The following GON4L variants were observed in gnomAD, a reference collection of about 807,000 sequenced individuals.
The protein encoded by GON4L is gon-4 like.
A neutral mutation model predicts 211.8 loss-of-function variants in GON4L; 87 were observed. That is an observed-to-expected ratio of 0.41 (90% CI 0.35 to 0.49). GON4L has a LOEUF of 0.49. GON4L is among the 20% of genes least tolerant of loss of function. GON4L has a pLI of 0.15. For synonymous variants in GON4L, 875 were observed against 962.6 expected, an observed-to-expected ratio of 0.91 and a Z score of 1.68; for missense variants, 2,155 against 2,659.5, an observed-to-expected ratio of 0.81 and a Z score of 4.17.
intron 12 of GON4L, among the ~76,000 whole-genome samples, 196 bp from the exon 13 acceptor site, chr1:155,785,570 C>T (rs1466439054): frequency 6.6e-6 from 1 of 152,092 alleles, no homozygotes; most frequent in African/African-American, 2.4e-5. Context: ...CTGCAACCTC[C>T]GCATCCCCTC....
intron 31 of GON4L, among the ~76,000 whole-genome samples, chr1:155,751,342 T>C (rs2101600818): frequency 6.6e-6 from 1 of 152,160 alleles, no homozygotes; most frequent in East Asian, 1.9e-4. Context: ...GGTCAGGAGT[T>C]CAAGACTAGC....
chr1:155,764,408 C>G (rs999656701), intron 21 of GON4L: 1 of 178,356 alleles, frequency 5.6e-6, no homozygotes, highest in African/African-American at 2.5e-5. Flanking sequence ...CGTGAGCCAC[C>G]GTGCCCAGTT....
downstream of GON4L, chr1:155,748,448 A>T (rs1557812959): frequency 2.5e-6 from 4 of 1,610,648 alleles, no homozygotes; most frequent in Non-Finnish European, 2.5e-6. Flanking sequence ...AGCCCTGGAC[A>T]CAGTCACTGT....
intron 12 of GON4L, among the ~76,000 whole-genome samples, chr1:155,785,909 A>C (rs891518717): frequency 1.3e-5 from 2 of 152,138 alleles, no homozygotes; most frequent in African/African-American, 4.8e-5. Flanking sequence ...ATCCTAGCTA[A>C]CATGGTGAAA....
intron 15 of GON4L, 41 bp from the exon 16 acceptor site, chr1:155,776,522 A>G (rs756932246): frequency 7.2e-7 from 1 of 1,391,812 alleles, no homozygotes; most frequent in South Asian, 1.2e-5. Context: ...ATGTTACCAC[A>G]TTGTCATTTC....
intron 2 of GON4L, among the ~76,000 whole-genome samples, chr1:155,847,616 C>T (rs1166855693): frequency 6.6e-6 from 1 of 152,064 alleles, no homozygotes; most frequent in Non-Finnish European, 1.5e-5. Flanking sequence ...GCAGGAGAAT[C>T]GCTTGAACCC....
intron 11 of GON4L, among the ~76,000 whole-genome samples, chr1:155,798,205 G>C (rs1262565526): frequency 6.7e-6 from 1 of 150,078 alleles, no homozygotes; most frequent in African/African-American, 2.4e-5. Context: ...AATCTAACTT[G>C]ATAATTCTTT....
At chr1:155,806,453 T>G (rs1667138357) in intron 10 of GON4L, among the ~76,000 whole-genome samples, 1 of 151,608 alleles carries the variant, frequency 6.6e-6, no homozygotes. Flanking sequence ...CAGCTAATTT[T>G]TTTCATTTTT....
chr1:155,845,194 C>G (rs1671118969), intron 2 of GON4L, among the ~76,000 whole-genome samples: 1 of 152,184 alleles, frequency 6.6e-6, no homozygotes, highest in South Asian at 2.1e-4. Flanking sequence ...AAGAACAAAA[C>G]CCTGATCAAA....
intron 24 of GON4L, among the ~76,000 whole-genome samples, chr1:155,759,766 A>C (rs1661575404): frequency 6.6e-6 from 1 of 151,554 alleles, no homozygotes; most frequent in African/African-American, 2.4e-5. Flanking sequence ...GACTACTGGG[A>C]TATCCCTCAT....
At chr1:155,780,904 TATC>T (rs908677263) in intron 14 of GON4L, among the ~76,000 whole-genome samples, 1 of 152,114 alleles carries the variant, frequency 6.6e-6, no homozygotes, top group African/African-American at 2.4e-5. Context: ...TTTTAAAAGT[TATC>T]ATTTATCTAT....
Position 155,760,640 on chromosome 1 carries a change from A to G in GON4L, c.4913T>C (p.Val1638Ala). 6.2e-7 allele frequency: 1 copy of G among 1,603,144 alleles called. No homozygotes were observed. Among genetic ancestry groups the G allele is most frequent in the Non-Finnish European group, 8.5e-7 (1 of 1,170,088 alleles). The change falls in exon 24 of 32, where the codon GTG (valine) becomes GCG (alanine). Residue 1638 changes from valine to alanine, a missense_variant and splice_region_variant. Physicochemically the swap from Val to Ala is moderately conservative, Grantham distance 64. Around this residue, in one of 6 missense-constraint regions of GON4L, gnomAD observed 455 missense variants for 504.6 expected, o/e 0.90. Transcript: ENST00000368331. The stretch of plus-strand genomic sequence containing the variant: ...AGGGATATGTTGTAGGGCTTCTCGC[A>G]CCTACACGGGAAGACTTTCAATCAT... ...LAFAQAYLTR[V>A]REALQHIPGK...
intron 2 of GON4L, among the ~76,000 whole-genome samples, chr1:155,835,336 C>A (rs1344394324): frequency 6.6e-6 from 1 of 152,002 alleles, no homozygotes; most frequent in Admixed American, 6.6e-5. Context: ...TGCGGAAGGC[C>A]GCAGGGTCCT....
At chr1:155,843,547 CTA>C in intron 2 of GON4L, among the ~76,000 whole-genome samples, 1 of 152,254 alleles carries the variant, frequency 6.6e-6, no homozygotes, top group South Asian at 2.1e-4. Context: ...ACTAATGATA[CTA>C]TCTTTTGCAC....
intron 1 of GON4L, among the ~76,000 whole-genome samples, chr1:155,854,923 T>G (rs1230314624): frequency 6.6e-6 from 1 of 151,780 alleles, no homozygotes; most frequent in Non-Finnish European, 1.5e-5. Context: ...TGATCCCAGC[T>G]ACTCCAGAGG....
chr1:155,750,965 T>C (rs1236394667), intron 31 of GON4L, among the ~76,000 whole-genome samples: 1 of 152,088 alleles, frequency 6.6e-6, no homozygotes, highest in East Asian at 1.9e-4. Context: ...GGTTTCACCA[T>C]GTTGGCCAGG....
chr1:155,768,512 C>G (rs1423473875), intron 19 of GON4L, among the ~76,000 whole-genome samples: 5 of 148,346 alleles, frequency 3.4e-5, no homozygotes, highest in East Asian at 2.0e-4. Context: ...TCAGGAGGCT[C>G]AGGCAGGAGA....
rs746236934 is a variant in GON4L, at chr1:155,765,218, C to T, written c.4255G>A (p.Asp1419Asn). The T allele has an allele frequency of 3.1e-6, 5 of 1,614,216 alleles. No individual in the cohort carries two copies. In the East Asian group the frequency reaches 6.7e-5, roughly 22 times the overall value. ...GGGCTACTAAGCCTCACTTCAGGATCCATTGAGGACAAAGCATTCTTTGAT... is the reference window on the plus strand; with the variant it reads ...GGGCTACTAAGCCTCACTTCAGGATTCATTGAGGACAAAGCATTCTTTGAT... Reference protein sequence around the residue: ...GSSKNALSSMDPEVRLSSPPG... With the variant: ...GSSKNALSSMNPEVRLSSPPG... Residue 1419 changes from aspartate (D) to asparagine (N), a missense_variant, in exon 21 of 32, where the codon GAT becomes AAT. Around this residue, in one of 6 missense-constraint regions of GON4L, gnomAD observed 615 missense variants for 625.7 expected, o/e 0.98. Coordinates refer to ENST00000368331, the MANE Select transcript of GON4L (RefSeq NM_001282860.2).
chr1:155,778,301 G>C (rs571096903), intron 14 of GON4L, among the ~76,000 whole-genome samples: 1 of 152,056 alleles, frequency 6.6e-6, no homozygotes, highest in African/African-American at 2.4e-5. Flanking sequence ...GCCCAGGCTG[G>C]AGTGCAGTGG....
Sources: allele counts gnomAD v4.1 joint callset (sites outside exome capture counted in the v4.1 genomes callset), GRCh38; gene constraint gnomAD v4.1.1; regional missense constraint gnomAD v4.1.1; transcripts MANE v1.5; gene names NCBI Gene and HGNC (gene_info 2026-07-23, HGNC 2026-07-21).